Variants in FHIT observed in about 807,000 individuals in gnomAD.
The protein encoded by FHIT is fragile histidine triad diadenosine triphosphatase.
FHIT carries 19 observed loss-of-function variants against 17.9 expected under a neutral mutation model. The ratio of observed to expected loss-of-function variants is 1.06; its 90% CI spans 0.74 to 1.56. FHIT has a LOEUF of 1.56. Among genes scored for constraint, FHIT ranks in the 40% most tolerant of loss-of-function variants. The pLI is 0.00. For synonymous variants in FHIT, 81 were observed against 69.7 expected (o/e 1.16, Z -0.81); for missense variants, 248 against 189.2 (o/e 1.31, Z -1.82).
intron 3 of FHIT, among the ~76,000 whole-genome samples, chr3:60,893,720 C>T (rs930871703): frequency 6.6e-6 from 1 of 152,198 alleles, no homozygotes; most frequent in Non-Finnish European, 1.5e-5. Context: ...CTGCACCTGA[C>T]CTAGCTCCAG....
chr3:59,807,082 A>G (rs988876618), intron 8 of FHIT, among the ~76,000 whole-genome samples: 1 of 152,202 alleles, frequency 6.6e-6, no homozygotes, highest in African/African-American at 2.4e-5. Flanking sequence ...AATTCTGCTA[A>G]GGGACTTGCC....
intron 8 of FHIT, among the ~76,000 whole-genome samples, chr3:59,889,955 C>T (rs191077408): frequency 1.3e-5 from 2 of 152,166 alleles, no homozygotes; most frequent in East Asian, 3.9e-4. Context: ...TTAATATTAT[C>T]TCTCTCTTTC....
intron 5 of FHIT, among the ~76,000 whole-genome samples, chr3:60,023,654 T>C (rs1007024611): frequency 6.6e-6 from 1 of 151,438 alleles, no homozygotes; most frequent in East Asian, 1.9e-4. Context: ...AGGAAAGAAA[T>C]AGGAAATGAG....
At position 60,621,007 on chromosome 3, in the gene FHIT, T is replaced by G. The variant is rs1338541940; in HGVS notation, c.-17-84028A>C. Among the ~76,000 whole-genome samples, 13 of 152,216 alleles carry G rather than the reference T, an allele frequency of 8.5e-5. 2 individuals are homozygous for G. The South Asian group carries it at 2.3e-3, about 27-fold the overall frequency. ...AAAACCAAATAATATATAAATAGCCTTATAAAAAATGTCAAACCACTCAGA... is the reference window on the plus strand; with the variant it reads ...AAAACCAAATAATATATAAATAGCCGTATAAAAAATGTCAAACCACTCAGA... On this transcript the variant is annotated intron_variant, in intron 4 of 9. Transcript: ENST00000492590.
At chr3:60,132,696 G>A (rs1384179715) in intron 5 of FHIT, among the ~76,000 whole-genome samples, 3 of 152,114 alleles carry the variant, frequency 2.0e-5, no homozygotes, top group Admixed American at 1.3e-4. Flanking sequence ...AAAAATCTCT[G>A]TACATTTTCC....
intron 5 of FHIT, among the ~76,000 whole-genome samples, chr3:60,139,414 G>A (rs1576184972): frequency 6.6e-6 from 1 of 152,122 alleles, no homozygotes; most frequent in Non-Finnish European, 1.5e-5. Flanking sequence ...TAAGTGAAGA[G>A]TGCATTTGGA....
At chr3:60,195,579 A>G (rs1702599137) in intron 5 of FHIT, among the ~76,000 whole-genome samples, 1 of 136,878 alleles carries the variant, frequency 7.3e-6, no homozygotes, top group Non-Finnish European at 1.6e-5. Flanking sequence ...ATATAATTAT[A>G]TTTATATTTA....
At chr3:60,562,833 C>T (rs1048389359) in intron 4 of FHIT, among the ~76,000 whole-genome samples, 5 of 152,104 alleles carry the variant, frequency 3.3e-5, no homozygotes, top group Non-Finnish European at 7.4e-5. Flanking sequence ...TCAGTCATTC[C>T]TTTGTTTATT....
intron 1 of FHIT, among the ~76,000 whole-genome samples, chr3:61,209,210 T>C (rs1315179299): frequency 6.6e-6 from 1 of 152,226 alleles, no homozygotes; most frequent in African/African-American, 2.4e-5. Flanking sequence ...GGGCTTCCCT[T>C]TGTGGGTAAC....
chr3:60,925,396 G>A (rs1453880880), intron 3 of FHIT, among the ~76,000 whole-genome samples: 1 of 152,142 alleles, frequency 6.6e-6, no homozygotes, highest in Non-Finnish European at 1.5e-5. Flanking sequence ...AGAGAGTGGA[G>A]GCCAATATTC....
intron 5 of FHIT, among the ~76,000 whole-genome samples, chr3:60,148,471 G>T (rs894354396): frequency 6.6e-6 from 1 of 152,076 alleles, no homozygotes; most frequent in African/African-American, 2.4e-5. Flanking sequence ...TACCTTTCTG[G>T]TAGAATTTTA....
intron 3 of FHIT, among the ~76,000 whole-genome samples, chr3:60,928,182 G>A (rs1707750621): frequency 6.6e-6 from 1 of 152,062 alleles, no homozygotes; most frequent in Non-Finnish European, 1.5e-5. Context: ...GAAGGCCACA[G>A]GGTCCTCTGC....
intron 4 of FHIT, among the ~76,000 whole-genome samples, chr3:60,722,707 CTTTTTTTTTTTTTT>C (rs1157024624): frequency 4.8e-5 from 5 of 104,946 alleles, no homozygotes; most frequent in African/African-American, 1.1e-4. Context: ...TACCTTAAAT[CTTTTTTTTTTTTTT>C]TTTTTTTTTT....
At chr3:60,904,870 C>T (rs1471169817) in intron 3 of FHIT, among the ~76,000 whole-genome samples, 2 of 147,696 alleles carry the variant, frequency 1.4e-5, no homozygotes, top group Non-Finnish European at 3.0e-5. Flanking sequence ...ACCCGGGAGG[C>T]GGAGGTTGCA....
intron 8 of FHIT, among the ~76,000 whole-genome samples, chr3:59,846,006 A>G (rs990537938): frequency 1.3e-5 from 2 of 152,260 alleles, no homozygotes; most frequent in South Asian, 2.1e-4. Flanking sequence ...TGAAGACAGT[A>G]TATAGTTGGA....
chr3:60,776,347 A>G (rs1353625925), intron 4 of FHIT, among the ~76,000 whole-genome samples: 1 of 152,232 alleles, frequency 6.6e-6, no homozygotes, highest in Non-Finnish European at 1.5e-5. Flanking sequence ...TACAGCCTAA[A>G]GAAAGACAAG....
chr3:61,155,959 T>G (rs2037522587), intron 2 of FHIT, among the ~76,000 whole-genome samples: 1 of 152,170 alleles, frequency 6.6e-6, no homozygotes, highest in African/African-American at 2.4e-5. Flanking sequence ...GAGTCTAAAA[T>G]GTTGGTATGT....
At chr3:61,129,699 C>A (rs548044935) in intron 2 of FHIT, among the ~76,000 whole-genome samples, 1 of 152,282 alleles carries the variant, frequency 6.6e-6, no homozygotes, top group Non-Finnish European at 1.5e-5. Context: ...TTGACTATTT[C>A]AGCTACTATA....
intron 7 of FHIT, among the ~76,000 whole-genome samples, chr3:59,999,286 G>C (rs1014748944): frequency 1.1e-4 from 16 of 152,116 alleles, no homozygotes; most frequent in Non-Finnish European, 2.4e-4. Context: ...ATGCTAAAAA[G>C]AAAGGAGAGA....
Sources: gnomAD v4.1 joint callset for allele counts (sites outside exome capture counted in the v4.1 genomes callset) on GRCh38, gnomAD v4.1.1 for gene constraint, MANE v1.5 for transcripts, NCBI Gene and HGNC (gene_info 2026-07-23, HGNC 2026-07-21) for gene names.